CPNE8: variants seen among roughly 807,000 people sequenced by gnomAD.
The protein encoded by CPNE8 is copine-8.
Under a neutral mutation model 81.5 loss-of-function variants are expected in CPNE8, and 45 were observed. The ratio of observed to expected loss-of-function variants is 0.55; its 90% CI spans 0.44 to 0.71. CPNE8 has a LOEUF of 0.71. CPNE8 is among the 30% of genes least tolerant of loss of function. The pLI is 0.00. For synonymous variants in CPNE8, 252 were observed against 226.3 expected, an observed-to-expected ratio of 1.11 and a Z score of -1.02; for missense variants, 594 against 672.1, an observed-to-expected ratio of 0.88 and a Z score of 1.28.
chr12:38,786,593 T>G lies in CPNE8; in HGVS notation c.408-10292A>C, dbSNP rs1942193396. Among the ~76,000 whole-genome samples the G allele has an allele frequency of 3.3e-5, 5 of 152,068 alleles. No homozygotes were observed. In the South Asian group the frequency reaches 1.0e-3, roughly 32 times the overall value. ...TGGGACTTTGTGATCGTGTGAGTTA[T>G]TAATATATATATATTCCATTAGTTC... is the stretch of plus-strand genomic sequence containing the variant. On this transcript the variant is annotated intron_variant, in intron 6 of 19. Coordinates refer to ENST00000331366, the MANE Select transcript of CPNE8 (RefSeq NM_153634.3).
chr12:38,722,459 G>C (rs1011800725), intron 13 of CPNE8, among the ~76,000 whole-genome samples: 3 of 152,118 alleles, frequency 2.0e-5, no homozygotes, highest in African/African-American at 7.2e-5. Context: ...TCTGGGTTTT[G>C]TGAAGCTATC....
intron 4 of CPNE8, among the ~76,000 whole-genome samples, chr12:38,841,119 C>A (rs1943462244): frequency 6.6e-6 from 1 of 152,100 alleles, no homozygotes; most frequent in Non-Finnish European, 1.5e-5. Flanking sequence ...TCCATTCACT[C>A]TCTAGCAAAG....
intron 19 of CPNE8, among the ~76,000 whole-genome samples, chr12:38,662,997 G>T (rs1591995996): frequency 6.6e-6 from 1 of 151,750 alleles, no homozygotes; most frequent in Admixed American, 6.6e-5. Flanking sequence ...CTCAAGATGG[G>T]TTAAAGACTT....
intron 10 of CPNE8, among the ~76,000 whole-genome samples, chr12:38,732,383 C>T (rs910824390): frequency 6.6e-6 from 1 of 151,916 alleles, no homozygotes; most frequent in Non-Finnish European, 1.5e-5. Context: ...CCAAACTACA[C>T]ATTGACTTGC....
chr12:38,711,172 T>C (rs763535950), intron 13 of CPNE8, among the ~76,000 whole-genome samples: 2 of 152,220 alleles, frequency 1.3e-5, no homozygotes, highest in Non-Finnish European at 2.9e-5. Context: ...CTATTAATAA[T>C]AGTTTTGCAA....
In CPNE8 at chr12:38,682,536, C is replaced by T. The variant is rs192514402; in HGVS notation, c.1271+2954G>A. 3.3e-5 allele frequency among the ~76,000 whole-genome samples: 5 copies of T among 152,216 alleles called. No homozygotes were observed. In the East Asian group the frequency reaches 9.7e-4, roughly 29 times the overall value. ...TCATCCCACTGCACTCCAGCCTGGGCGACAGAGCAAACAAACAAAACCTCA... is the reference window on the plus strand; with the variant it reads ...TCATCCCACTGCACTCCAGCCTGGGTGACAGAGCAAACAAACAAAACCTCA... On this transcript the variant is annotated intron_variant, in intron 16 of 19. Transcript: ENST00000331366.
At chr12:38,875,913 A>G (rs1944059520) in intron 1 of CPNE8, among the ~76,000 whole-genome samples, 1 of 152,220 alleles carries the variant, frequency 6.6e-6, no homozygotes, top group African/African-American at 2.4e-5. Flanking sequence ...CTGTGACATT[A>G]TATTTATTAT....
chr12:38,772,498 C>A (rs762446453), intron 7 of CPNE8, among the ~76,000 whole-genome samples: 1 of 152,088 alleles, frequency 6.6e-6, no homozygotes, highest in Non-Finnish European at 1.5e-5. Flanking sequence ...ATACAAATGA[C>A]CAACACACAT....
chr12:38,692,737 C>G (rs1207990008), intron 15 of CPNE8, among the ~76,000 whole-genome samples: 2 of 152,086 alleles, frequency 1.3e-5, no homozygotes, highest in Non-Finnish European at 2.9e-5. Flanking sequence ...TATTTCTTTT[C>G]TTAGGTTTTA....
intron 10 of CPNE8, among the ~76,000 whole-genome samples, chr12:38,741,215 C>G (rs1176305327): frequency 2.0e-5 from 3 of 152,180 alleles, no homozygotes; most frequent in Admixed American, 6.5e-5. Context: ...AAAGAGCCCG[C>G]ATTCCCAAGT....
intron 10 of CPNE8, among the ~76,000 whole-genome samples, chr12:38,748,917 G>C (rs141007317): frequency 1.5e-3 from 227 of 152,106 alleles, no homozygotes; most frequent in African/African-American, 5.3e-3. Context: ...AAGTTATTTA[G>C]TTTAAATAGT....
chr12:38,658,838 C>A (rs1938886544), intron 19 of CPNE8, among the ~76,000 whole-genome samples: 1 of 152,146 alleles, frequency 6.6e-6, no homozygotes, highest in Admixed American at 6.5e-5. Context: ...CCTTTACAGG[C>A]AAGCACATGC....
At chr12:38,779,109 T>C (rs181512977) in intron 6 of CPNE8, among the ~76,000 whole-genome samples, 1 of 152,182 alleles carries the variant, frequency 6.6e-6, no homozygotes, top group South Asian at 2.1e-4. Flanking sequence ...ATATTCAGCA[T>C]TATGGAAAAC....
At chr12:38,668,825 G>A (rs927246901) in intron 19 of CPNE8, among the ~76,000 whole-genome samples, 2 of 151,940 alleles carry the variant, frequency 1.3e-5, no homozygotes, top group South Asian at 2.1e-4. Flanking sequence ...CGAGGCGGGC[G>A]GATCACAAGG....
intron 19 of CPNE8, among the ~76,000 whole-genome samples, chr12:38,657,099 G>C (rs1938838390): frequency 6.6e-6 from 1 of 152,144 alleles, no homozygotes; most frequent in Non-Finnish European, 1.5e-5. Flanking sequence ...AAGTGCAAGG[G>C]GTTGGGGGAT....
rs923122824 is a variant in CPNE8, at chr12:38,750,841, T to C, written c.722+10006A>G. Reference sequence around the variant, plus strand: ...TTGGGGGACTGTTGGGAGGGCATGATTGGTTTTGAAATGTGAGGATATGAG... The same window carrying C: ...TTGGGGGACTGTTGGGAGGGCATGACTGGTTTTGAAATGTGAGGATATGAG... On this transcript the variant is annotated intron_variant, in intron 10 of 19. Coordinates refer to ENST00000331366, the MANE Select transcript of CPNE8 (RefSeq NM_153634.3). Among the ~76,000 whole-genome samples the C allele has an allele frequency of 1.4e-4, 21 of 152,166 alleles. 1 individual carries two copies. The highest frequency in any genetic ancestry group is 1.2e-3 in the Admixed American group (19 of 15,290).
At chr12:38,699,249 T>C (rs779189563) in intron 14 of CPNE8, among the ~76,000 whole-genome samples, 2 of 152,232 alleles carry the variant, frequency 1.3e-5, no homozygotes, top group Non-Finnish European at 2.9e-5. Flanking sequence ...TTTGTTTATT[T>C]TATGAACAGG....
chr12:38,894,707 C>T (rs558381058), intron 1 of CPNE8, among the ~76,000 whole-genome samples: 4 of 113,382 alleles, frequency 3.5e-5, no homozygotes, highest in African/African-American at 1.0e-4. Context: ...CTCTCTCTCT[C>T]TCTCATATTC....
intron 15 of CPNE8, among the ~76,000 whole-genome samples, chr12:38,692,725 A>T (rs1465228567): frequency 6.6e-6 from 1 of 152,168 alleles, no homozygotes; most frequent in African/African-American, 2.4e-5. Context: ...GTTTAACACA[A>T]TTATTTCTTT....
Sources: gnomAD v4.1 joint callset for allele counts (sites outside exome capture counted in the v4.1 genomes callset) on GRCh38, gnomAD v4.1.1 for gene constraint, MANE v1.5 for transcripts, NCBI Gene and HGNC (gene_info 2026-07-23, HGNC 2026-07-21) for gene names.